CRISP3: variants seen among roughly 807,000 people sequenced by gnomAD.
CRISP3 encodes the protein cysteine rich secretory protein 3, also known as cysteine-rich secretory protein 3.
In CRISP3, 33 loss-of-function variants were observed where a neutral mutation model predicts 36.1. The observed-to-expected ratio is 0.91, with a 90% CI of 0.69 to 1.22. The LOEUF (loss-of-function observed/expected upper bound fraction) is 1.22. Among genes scored for constraint, CRISP3 ranks in the 50% most tolerant of loss-of-function variants. The pLI is 0.00. For synonymous variants in CRISP3, 117 were observed against 104.6 expected (o/e 1.12, Z -0.72); for missense variants, 330 against 301.2 (o/e 1.10, Z -0.71).
intron 1 of CRISP3, among the ~76,000 whole-genome samples, chr6:49,742,442 C>T (rs959247366): frequency 2.6e-5 from 4 of 151,656 alleles, no homozygotes; most frequent in Admixed American, 6.6e-5. Context: ...GACCACCCTG[C>T]GTAACATGGT....
chr6:49,735,631 C>T (rs1269234084), intron 3 of CRISP3, 40 bp from the exon 4 acceptor site: 2 of 1,480,904 alleles, frequency 1.4e-6, no homozygotes, highest in African/African-American at 2.8e-5. Flanking sequence ...CTTAATGTCT[C>T]AAACCTCAAA....
At chr6:49,735,375 A>C in intron 4 of CRISP3, 129 bp downstream of exon 4, 1 of 660,428 alleles carries the variant, frequency 1.5e-6, no homozygotes, top group Non-Finnish European at 2.6e-6. Flanking sequence ...CTACATGTAG[A>C]TAGTCCATAT....
At chr6:49,737,698 T>C (rs542968633) in intron 1 of CRISP3, among the ~76,000 whole-genome samples, 1 of 152,340 alleles carries the variant, frequency 6.6e-6, no homozygotes, top group South Asian at 2.1e-4. Flanking sequence ...GTCTTCTCTG[T>C]GTAACTACTG....
chr6:49,733,311 A>G lies in CRISP3; in HGVS notation c.463-19T>C. 6.8e-7 allele frequency: 1 copy of G among 1,467,030 alleles called. No individual in the cohort carries two copies. Among genetic ancestry groups the G allele is most frequent in the Non-Finnish European group, 9.4e-7 (1 of 1,059,906 alleles). The allele number at this position is 1,467,030 out of a possible 1,614,324, so 90.9% of individuals were successfully genotyped here. A position where few individuals can be genotyped will look rare whatever the true frequency, so the allele number is the denominator to read the frequency against. On this transcript the variant is annotated intron_variant, in intron 5 of 7. Coordinates refer to ENST00000263045, the MANE Select transcript of CRISP3 (RefSeq NM_006061.4). The stretch of plus-strand genomic sequence containing the variant: ...AAACAACCTATAAACCAATAAGTGA[A>G]GATATGAGAGCACATTAGAGAAGAA...
intron 1 of CRISP3, among the ~76,000 whole-genome samples, chr6:49,739,141 A>G (rs1769137304): frequency 6.6e-6 from 1 of 152,206 alleles, no homozygotes; most frequent in Non-Finnish European, 1.5e-5. Flanking sequence ...CTTCTAAATC[A>G]ATATGTTGAT....
intron 7 of CRISP3, 59 bp from the exon 8 acceptor site, chr6:49,728,916 A>G: frequency 6.7e-7 from 1 of 1,503,082 alleles, no homozygotes; most frequent in Non-Finnish European, 9.1e-7. Context: ...TAACAGCAAC[A>G]CAAACAAAAC....
intron 7 of CRISP3, among the ~76,000 whole-genome samples, chr6:49,729,723 G>A (rs1561906082): frequency 6.6e-6 from 1 of 151,974 alleles, no homozygotes; most frequent in African/African-American, 2.4e-5. Context: ...ACAACCGACT[G>A]TTCTATTTTC....
intron 7 of CRISP3, among the ~76,000 whole-genome samples, chr6:49,729,397 T>C (rs1768858444): frequency 6.6e-6 from 1 of 152,108 alleles, no homozygotes. Flanking sequence ...TTCTCTCAGG[T>C]CTAGGTAATT....
intron 1 of CRISP3, among the ~76,000 whole-genome samples, chr6:49,742,460 C>T (rs1481485209): frequency 6.6e-6 from 1 of 151,718 alleles, no homozygotes; most frequent in East Asian, 1.9e-4. Context: ...GGTGAAACCT[C>T]GTCTCTACTA....
In CRISP3 at chr6:49,728,627, C is replaced by T; in HGVS notation, c.*103G>A. On this transcript the variant is annotated 3_prime_UTR_variant, in exon 8 of 8. Transcript: ENST00000263045. ...GAAATCAAATGTGTATCAAACATGCCTACAATTTCTCAGCTAGTATATGTT... is the reference window on the plus strand; with the variant it reads ...GAAATCAAATGTGTATCAAACATGCTTACAATTTCTCAGCTAGTATATGTT... The T allele has an allele frequency of 1.0e-6, 1 of 955,478 alleles. No individual in the cohort carries two copies. Among genetic ancestry groups the T allele is most frequent in the Non-Finnish European group, 1.4e-6 (1 of 697,038 alleles). The allele number at this position is 955,478 out of a possible 1,614,324, so 59.2% of individuals were successfully genotyped here.
intron 1 of CRISP3, 36 bp from the exon 2 acceptor site, chr6:49,737,434 T>C (rs770859368): frequency 6.2e-7 from 1 of 1,611,742 alleles, no homozygotes; most frequent in Non-Finnish European, 8.5e-7. Context: ...GGGATCTGCA[T>C]TAAAATGATT....
Position 49,736,427 on chromosome 6 carries a change from T to C in CRISP3, c.192A>G (p.Arg64=). The change falls in exon 3 of 8, where the codon AGA becomes AGG. Residue 64 remains arginine, a synonymous_variant. Coordinates refer to ENST00000263045, the MANE Select transcript of CRISP3 (RefSeq NM_006061.4). ...EIVNKHNELR[R]AVSPPARNML... The stretch of plus-strand genomic sequence containing the variant: ...TGTTTCTGGCAGGGGGAGATACTGC[T>C]CTCCTCAGTTCATTGTGCTTATTCA... The C allele has an allele frequency of 6.2e-7, 1 of 1,613,482 alleles. No homozygotes were observed. Among genetic ancestry groups the C allele is most frequent in the Non-Finnish European group, 8.5e-7 (1 of 1,179,568 alleles).
At chr6:49,733,341 A>G (rs763312324) in intron 5 of CRISP3, 49 bp from the exon 6 acceptor site, 1 of 1,251,558 alleles carries the variant, frequency 8.0e-7, no homozygotes, top group Admixed American at 2.3e-5. Context: ...GAAGAAGGAA[A>G]TACCAAAAAA....
chr6:49,732,679 T>C (rs560844927), intron 6 of CRISP3, among the ~76,000 whole-genome samples: 3 of 152,276 alleles, frequency 2.0e-5, no homozygotes, highest in African/African-American at 4.8e-5. Context: ...ATATTGGGGA[T>C]CTCTTAAAAG....
At position 49,727,825 on chromosome 6, in the gene CRISP3, A is replaced by T. The variant is rs1768804319; in HGVS notation, c.*905T>A. ...TTAGATTGGGATTATGAATTTTTAG[A>T]AAGATTATCTAGAACAAATCTGAAT... On this transcript the variant is annotated 3_prime_UTR_variant, in exon 8 of 8. Coordinates refer to ENST00000263045, the MANE Select transcript of CRISP3 (RefSeq NM_006061.4). 1 of 152,162 alleles carries T rather than the reference A, an allele frequency of 6.6e-6. No homozygotes were observed. Among genetic ancestry groups the T allele is most frequent in the Admixed American group, 6.5e-5 (1 of 15,274 alleles). The allele number at this position is 152,162 out of a possible 1,614,324, so 9.4% of individuals were successfully genotyped here. A position where few individuals can be genotyped will look rare whatever the true frequency, so the allele number is the denominator to read the frequency against.
chr6:49,735,450 G>T, intron 4 of CRISP3, 54 bp downstream of exon 4: 3 of 1,357,462 alleles, frequency 2.2e-6, no homozygotes, highest in Non-Finnish European at 2.1e-6. Flanking sequence ...ATCATAACAT[G>T]GTTTATTATT....
chr6:49,733,365 A>C (rs963623240), intron 5 of CRISP3, 73 bp from the exon 6 acceptor site: 3 of 1,009,710 alleles, frequency 3.0e-6, no homozygotes, highest in Non-Finnish European at 4.5e-6. Context: ...ATAGTAGGAA[A>C]TACAAAATGG....
chr6:49,730,892 A>T (rs1313092487), intron 7 of CRISP3, among the ~76,000 whole-genome samples: 2 of 152,158 alleles, frequency 1.3e-5, no homozygotes, highest in Non-Finnish European at 2.9e-5. Flanking sequence ...AAGTACAAAA[A>T]TTAATCAGGT....
At position 49,733,616 on chromosome 6, in the gene CRISP3, A is replaced by T. The variant is rs2127451120; in HGVS notation, c.462+87T>A. 8.7e-6 allele frequency: 12 copies of T among 1,385,794 alleles called. No homozygotes were observed. The South Asian group carries it at 1.7e-4, about 19-fold the overall frequency. 85.8% of individuals were successfully genotyped at this position (1,385,794 alleles called of 1,614,324 possible). On this transcript the variant is annotated intron_variant, in intron 5 of 7. Transcript: ENST00000263045. ...TATATTCACTTGAAATTTTCCCCAA[A>T]TTCAACTTGGAATCAGTCAAAATTT...
Sources: allele counts gnomAD v4.1 joint callset (sites outside exome capture counted in the v4.1 genomes callset), GRCh38; gene constraint gnomAD v4.1.1; transcripts MANE v1.5; gene names NCBI Gene and HGNC (gene_info 2026-07-23, HGNC 2026-07-21).